Variants in CCDC112 observed in about 807,000 individuals in gnomAD.
The protein encoded by CCDC112 is coiled-coil domain containing 112.
In CCDC112, 40 loss-of-function variants were observed where a neutral mutation model predicts 66.3. The ratio of observed to expected loss-of-function variants is 0.60; its 90% CI spans 0.47 to 0.79. The LOEUF is 0.79. CCDC112 is among the 30% of genes least tolerant of loss of function. CCDC112 has a pLI of 0.00. For synonymous variants in CCDC112, 214 were observed against 197.2 expected, an observed-to-expected ratio of 1.09 and a Z score of -0.71; for missense variants, 659 against 603.8, an observed-to-expected ratio of 1.09 and a Z score of -0.96.
intron 1 of CCDC112, among the ~76,000 whole-genome samples, chr5:115,286,064 T>C (rs1215771507): frequency 3.3e-5 from 5 of 152,308 alleles, no homozygotes; most frequent in Non-Finnish European, 5.9e-5. Flanking sequence ...TCACAGACCA[T>C]AAAATATGTC....
At chr5:115,272,642 A>T (rs183889000) in intron 6 of CCDC112, among the ~76,000 whole-genome samples, 1 of 152,212 alleles carries the variant, frequency 6.6e-6, no homozygotes, top group Non-Finnish European at 1.5e-5. Context: ...ATTATTTCAA[A>T]TTCTAGCAGG....
intron 3 of CCDC112, among the ~76,000 whole-genome samples, chr5:115,279,216 C>G (rs1402915969): frequency 6.6e-6 from 1 of 152,154 alleles, no homozygotes; most frequent in East Asian, 1.9e-4. Flanking sequence ...GACTTGATCA[C>G]TTCACACAAC....
chr5:115,268,949 C>T lies in CCDC112; in HGVS notation c.1480G>A (p.Gly494Ser). The change falls in exon 9 of 10, where the codon GGT becomes AGT. Residue 494 changes from glycine to serine, a missense_variant. Transcript: ENST00000379611. ...DPSRLYKPTK[G>S]WEERTKKIGP... ...ATCTTTTTGGTTCGTTCTTCCCAAC[C>T]TTTGGTGGGTTTGTAAAGCCTAGAG... 6.2e-7 allele frequency: 1 copy of T among 1,606,716 alleles called. No individual in the cohort carries two copies. The highest frequency in any genetic ancestry group is 1.1e-5 in the South Asian group (1 of 90,334).
At chr5:115,290,847 T>C (rs1281792860) in intron 1 of CCDC112, among the ~76,000 whole-genome samples, 1 of 152,204 alleles carries the variant, frequency 6.6e-6, no homozygotes, top group Non-Finnish European at 1.5e-5. Context: ...GCAACCTTGC[T>C]GTACTTGTTT....
chr5:115,287,176 G>A (rs2963773), intron 1 of CCDC112, among the ~76,000 whole-genome samples: 58,483 of 151,856 alleles, frequency 0.39, 12,054 homozygotes, highest in Middle Eastern at 0.62. Flanking sequence ...TTTCTCCACA[G>A]GCTCACCAAT....
At chr5:115,288,704 G>A (rs1467604421) in intron 1 of CCDC112, among the ~76,000 whole-genome samples, 1 of 152,146 alleles carries the variant, frequency 6.6e-6, no homozygotes, top group East Asian at 1.9e-4. Flanking sequence ...CCCCATCTAT[G>A]GAATGCTATG....
chr5:115,293,906 T>A (rs969419282), intron 1 of CCDC112, among the ~76,000 whole-genome samples: 12 of 152,122 alleles, frequency 7.9e-5, no homozygotes, highest in African/African-American at 2.9e-4. Flanking sequence ...ATCACACTAA[T>A]GTGATACTGT....
intron 6 of CCDC112, among the ~76,000 whole-genome samples, chr5:115,272,448 C>T (rs1749045859): frequency 6.6e-6 from 1 of 152,166 alleles, no homozygotes; most frequent in Non-Finnish European, 1.5e-5. Context: ...ATTGGATGAG[C>T]CACTAAACTT....
intron 9 of CCDC112, 32 bp from the exon 10 acceptor site, chr5:115,267,950 T>C (rs1561492108): frequency 3.2e-6 from 5 of 1,564,002 alleles, no homozygotes; most frequent in Non-Finnish European, 4.4e-6. Context: ...CAATTGTAAA[T>C]ATGTAGGAAA....
chr5:115,270,898 C>T (rs925542872), intron 7 of CCDC112, among the ~76,000 whole-genome samples: 1 of 152,168 alleles, frequency 6.6e-6, no homozygotes, highest in African/African-American at 2.4e-5. Context: ...TTCTTCAAGA[C>T]TCAACCTAAG....
Position 115,275,248 on chromosome 5 carries a change from T to C in CCDC112, c.886A>G (p.Lys296Glu). The part of the protein sequence containing the change: ...EVQQHEKWYQ[K>E]FLALEERKKE... ...TTTCTTTCTTCTAGAGCCAGAAACT[T>C]TTGATACCATTTTTCATGCTGTTGA... Residue 296 changes from lysine to glutamate, a missense_variant, in exon 6 of 10, where the codon AAG becomes GAG. Physicochemically the swap from Lys to Glu is moderately conservative, Grantham distance 56. Transcript: ENST00000379611. 6.2e-7 allele frequency: 1 copy of C among 1,610,852 alleles called. No homozygotes were observed. The highest frequency in any genetic ancestry group is 8.5e-7 in the Non-Finnish European group (1 of 1,179,176).
intron 7 of CCDC112, among the ~76,000 whole-genome samples, chr5:115,270,522 A>T (rs974130856): frequency 3.3e-5 from 5 of 152,194 alleles, no homozygotes; most frequent in African/African-American, 1.2e-4. Context: ...AATAATCTCG[A>T]TTCCTTTAAG....
In CCDC112 at chr5:115,289,520, C is replaced by T. The variant is rs148770320; in HGVS notation, c.118-4612G>A. On this transcript the variant is annotated intron_variant, in intron 1 of 9. Transcript: ENST00000379611. ...TACAGAACCCACTGTTCTGTCATGC[C>T]CTGTGGAAATTCTTACTCTATTTTA... Among the ~76,000 whole-genome samples the T allele has an allele frequency of 1.0e-3, 154 of 152,254 alleles. No individual in the cohort carries two copies. In the East Asian group the frequency reaches 0.013, roughly 12 times the overall value.
intron 2 of CCDC112, chr5:115,280,555 T>C (rs1749408054): frequency 6.6e-6 from 1 of 152,162 alleles, no homozygotes; most frequent in African/African-American, 2.4e-5. Flanking sequence ...AATTCTCAAA[T>C]TACCTTTTTT....
rs1204898340 is a variant in CCDC112, at chr5:115,271,389, TTTTCTC to T, written c.1150_1155del (p.Glu384_Lys385del). The T allele has an allele frequency of 6.2e-7, 1 of 1,610,168 alleles. No homozygotes were observed. The highest frequency in any genetic ancestry group is 1.7e-5 in the Admixed American group (1 of 59,328). On this transcript the variant is annotated inframe_deletion, in exon 7 of 10. Coordinates refer to ENST00000379611, the MANE Select transcript of CCDC112 (RefSeq NM_001040440.3). ...TGGCGCTGGCGTTCTTTCTGATGTTTTTTCTCTTTCTCTTCTTCTTCTTTTAACTGG... is the reference window on the plus strand; with the variant it reads ...TGGCGCTGGCGTTCTTTCTGATGTTTTTTCTCTTCTTCTTCTTTTAACTGG...
intron 7 of CCDC112, among the ~76,000 whole-genome samples, chr5:115,270,887 C>T (rs1218228666): frequency 1.3e-5 from 2 of 152,118 alleles, no homozygotes; most frequent in South Asian, 4.1e-4. Flanking sequence ...TTTTCCTTCC[C>T]TTCTTCAAGA....
At chr5:115,276,655 A>G (rs1357925708) in intron 4 of CCDC112, among the ~76,000 whole-genome samples, 5 of 152,096 alleles carry the variant, frequency 3.3e-5, no homozygotes, top group Non-Finnish European at 7.4e-5. Flanking sequence ...ACCTTTCTAT[A>G]ACATAGATTC....
chr5:115,269,144 G>A (rs960445167), intron 8 of CCDC112, 144 bp from the exon 9 acceptor site: 1 of 461,412 alleles, frequency 2.2e-6, no homozygotes, highest in Non-Finnish European at 3.9e-6. Flanking sequence ...ACTTCTCATT[G>A]GGCTCATATA....
At chr5:115,278,824 CT>C (rs1289548203) in intron 3 of CCDC112, among the ~76,000 whole-genome samples, 1 of 152,122 alleles carries the variant, frequency 6.6e-6, no homozygotes, top group African/African-American at 2.4e-5. Context: ...TAAGAATTTA[CT>C]TTAATTGATG....
Sources: gnomAD v4.1 joint callset for allele counts (sites outside exome capture counted in the v4.1 genomes callset) on GRCh38, gnomAD v4.1.1 for gene constraint, MANE v1.5 for transcripts, NCBI Gene and HGNC (gene_info 2026-07-23, HGNC 2026-07-21) for gene names.